FRMPD4: variants seen among roughly 807,000 people sequenced by gnomAD.
FRMPD4 encodes the protein FERM and PDZ domain containing 4.
FRMPD4 carries 22 observed loss-of-function variants against 94.1 expected under a neutral mutation model. The observed-to-expected ratio is 0.23, with a 90% CI of 0.17 to 0.33. The LOEUF (loss-of-function observed/expected upper bound fraction) is 0.33. FRMPD4 is among the 10% of genes least tolerant of loss of function. The pLI, the probability that FRMPD4 is intolerant of heterozygous loss-of-function variation, is 1.00. For synonymous variants in FRMPD4, 631 were observed against 548.6 expected, an observed-to-expected ratio of 1.15 and a Z score of -2.10; for missense variants, 1,111 against 1,339.9, an observed-to-expected ratio of 0.83 and a Z score of 2.67.
At chrX:12,483,946 T>C (rs1049583924) in intron 1 of FRMPD4, among the ~76,000 whole-genome samples, 1 of 111,718 alleles carries the variant, frequency 9.0e-6, no homozygotes, top group African/African-American at 3.3e-5. Flanking sequence ...ATTTCTTCTA[T>C]GAAATTAACA....
At chrX:12,644,431 C>G (rs1013553223) in intron 4 of FRMPD4, among the ~76,000 whole-genome samples, 5 of 111,583 alleles carry the variant, frequency 4.5e-5, no homozygotes, top group Non-Finnish European at 9.4e-5. Flanking sequence ...CTCTTGTCAC[C>G]GTAGCATTCA....
chrX:12,070,065 T>C (rs939304554), intron 3 of FRMPD4, among the ~76,000 whole-genome samples: 1 of 111,306 alleles, frequency 9.0e-6, no homozygotes, highest in African/African-American at 3.3e-5. Context: ...GGCTTTTGAA[T>C]TTTTTATATC....
intron 1 of FRMPD4, among the ~76,000 whole-genome samples, chrX:12,405,470 ACAT>A (rs747036448): frequency 9.0e-6 from 1 of 111,052 alleles, no homozygotes; most frequent in Non-Finnish European, 1.9e-5. Context: ...CATAACAATC[ACAT>A]CATGGGGAAT....
chrX:12,322,847 C>T (rs1230698286), intron 1 of FRMPD4, among the ~76,000 whole-genome samples: 6 of 111,155 alleles, frequency 5.4e-5, no homozygotes, highest in African/African-American at 1.6e-4. Context: ...CATTTATTAT[C>T]AAATTTCAAT....
intron 14 of FRMPD4, among the ~76,000 whole-genome samples, chrX:12,712,218 G>GA (rs59142640): frequency 0.018 from 1,778 of 97,337 alleles, 38 homozygotes; most frequent in African/African-American, 0.056. Context: ...AATTAGCAGT[G>GA]AAAAAAAAAA....
chrX:12,397,731 G>T (rs954906695), intron 1 of FRMPD4, among the ~76,000 whole-genome samples: 1 of 111,103 alleles, frequency 9.0e-6, no homozygotes, highest in African/African-American at 3.3e-5. Context: ...TGGTCATTCT[G>T]CAGTGTCTCT....
intron 1 of FRMPD4, among the ~76,000 whole-genome samples, chrX:11,833,382 A>G (rs991488317): frequency 1.2e-4 from 13 of 112,151 alleles, no homozygotes; most frequent in African/African-American, 3.9e-4. Flanking sequence ...TCTGGATCAT[A>G]TGATAAGAGT....
intron 1 of FRMPD4, among the ~76,000 whole-genome samples, chrX:12,435,006 A>G (rs1032368281): frequency 1.8e-5 from 2 of 112,491 alleles, no homozygotes; most frequent in African/African-American, 6.5e-5. Flanking sequence ...ATCCCTTCAC[A>G]GAGTTGAACT....
chrX:12,014,163 A>C (rs1030694729), intron 3 of FRMPD4, among the ~76,000 whole-genome samples: 1 of 111,464 alleles, frequency 9.0e-6, no homozygotes, highest in Non-Finnish European at 1.9e-5. Context: ...TTGACAGCAC[A>C]GTCACTGGTT....
chrX:12,033,951 C>T (rs1048382923), intron 3 of FRMPD4, among the ~76,000 whole-genome samples: 1 of 112,605 alleles, frequency 8.9e-6, no homozygotes, highest in African/African-American at 3.2e-5. Flanking sequence ...CCCGCCTCGG[C>T]CTCCCAAAGT....
intron 3 of FRMPD4, among the ~76,000 whole-genome samples, chrX:12,106,259 G>T (rs907950656): frequency 8.9e-6 from 1 of 112,109 alleles, no homozygotes; most frequent in Non-Finnish European, 1.9e-5. Flanking sequence ...GCTTTGGATT[G>T]AAAACAATGC....
chrX:11,890,351 A>T (rs970150802), intron 3 of FRMPD4, among the ~76,000 whole-genome samples: 5 of 111,276 alleles, frequency 4.5e-5, no homozygotes, highest in African/African-American at 1.6e-4. Context: ...ACTAAATCAG[A>T]ATCTGCCTTT....
At chrX:12,266,372 C>T (rs11798453) in intron 1 of FRMPD4, among the ~76,000 whole-genome samples, 5,213 of 110,749 alleles carry the variant, frequency 0.047, 120 homozygotes, top group Non-Finnish European at 0.072. Context: ...CTGAATTCCC[C>T]GTAAGCTGGC....
chrX:12,467,361 C>T (rs1382716695), intron 1 of FRMPD4, among the ~76,000 whole-genome samples: 1 of 111,760 alleles, frequency 8.9e-6, no homozygotes, highest in Non-Finnish European at 1.9e-5. Flanking sequence ...TGGATTTCTC[C>T]TCAAGATGAA....
chrX:12,091,657 C>T (rs1241885888), intron 3 of FRMPD4, among the ~76,000 whole-genome samples: 1 of 111,421 alleles, frequency 9.0e-6, no homozygotes, highest in Non-Finnish European at 1.9e-5. Flanking sequence ...ATTGTATCTC[C>T]CAGGGGCCTT....
At chrX:12,066,761 A>G (rs1268568839) in intron 3 of FRMPD4, among the ~76,000 whole-genome samples, 1 of 109,282 alleles carries the variant, frequency 9.2e-6, no homozygotes, top group Non-Finnish European at 1.9e-5. Context: ...TATTTTAGGC[A>G]TCATTTGGTG....
intron 1 of FRMPD4, among the ~76,000 whole-genome samples, chrX:12,339,623 T>G (rs1275217251): frequency 1.8e-5 from 2 of 110,520 alleles, no homozygotes; most frequent in Non-Finnish European, 3.8e-5. Context: ...TAATGAATTT[T>G]TTTTTTTTTT....
intron 3 of FRMPD4, among the ~76,000 whole-genome samples, chrX:11,949,188 T>C (rs996733787): frequency 8.9e-6 from 1 of 112,115 alleles, no homozygotes. Context: ...CCTATTAATG[T>C]GGCGAATGTA....
At chrX:12,384,687 A>G (rs1350941807) in intron 1 of FRMPD4, among the ~76,000 whole-genome samples, 2 of 105,155 alleles carry the variant, frequency 1.9e-5, no homozygotes, top group Non-Finnish European at 3.9e-5. Context: ...CTTTTTCACA[A>G]TGGGATGTTT....
Sources: gnomAD v4.1 joint callset for allele counts (sites outside exome capture counted in the v4.1 genomes callset) on GRCh38, gnomAD v4.1.1 for gene constraint, MANE v1.5 for transcripts, NCBI Gene and HGNC (gene_info 2026-07-23, HGNC 2026-07-21) for gene names.